Variants in ZBTB16 observed in about 807,000 individuals in gnomAD.
The protein encoded by ZBTB16 is zinc finger and BTB domain-containing protein 16.
A neutral mutation model predicts 56.8 loss-of-function variants in ZBTB16; 8 were observed. That is an observed-to-expected ratio of 0.14 (90% CI 0.08 to 0.25). The LOEUF is 0.25. Among genes scored for constraint, ZBTB16 ranks in the 10% least tolerant of loss-of-function variants. ZBTB16 has a pLI of 1.00. For synonymous variants in ZBTB16, 363 were observed against 368.5 expected, an observed-to-expected ratio of 0.98 and a Z score of 0.17; for missense variants, 625 against 903.0, an observed-to-expected ratio of 0.69 and a Z score of 3.95.
chr11:114,092,776 T>C (rs1017921351), intron 2 of ZBTB16, among the ~76,000 whole-genome samples: 1 of 152,162 alleles, frequency 6.6e-6, no homozygotes, highest in Non-Finnish European at 1.5e-5. Flanking sequence ...CTCTCTCCTT[T>C]CAGACTGGTC....
chr11:114,236,491 C>T (rs1591806053), intron 4 of ZBTB16, among the ~76,000 whole-genome samples: 1 of 152,112 alleles, frequency 6.6e-6, no homozygotes, highest in African/African-American at 2.4e-5. Flanking sequence ...CATGGAGTGA[C>T]AACGAAGGAG....
intron 4 of ZBTB16, among the ~76,000 whole-genome samples, chr11:114,225,764 T>C (rs1235310940): frequency 1.3e-5 from 2 of 152,216 alleles, no homozygotes; most frequent in African/African-American, 4.8e-5. Flanking sequence ...CACAGCCCAC[T>C]GATTTAAATA....
chr11:114,138,945 C>T (rs943612619), intron 2 of ZBTB16, among the ~76,000 whole-genome samples: 1 of 152,140 alleles, frequency 6.6e-6, no homozygotes, highest in Non-Finnish European at 1.5e-5. Flanking sequence ...CCCGCTTCTG[C>T]CTCCCAAAGC....
intron 2 of ZBTB16, among the ~76,000 whole-genome samples, chr11:114,153,931 G>T (rs1441800376): frequency 6.6e-6 from 1 of 152,182 alleles, no homozygotes; most frequent in East Asian, 1.9e-4. Flanking sequence ...AGGTCTTCTG[G>T]CTGCTGGCTG....
At chr11:114,226,443 G>GCATCA (rs756209211) in intron 4 of ZBTB16, among the ~76,000 whole-genome samples, 36 of 152,280 alleles carry the variant, frequency 2.4e-4, no homozygotes, top group African/African-American at 7.2e-4. Context: ...ATCTGCCCCA[G>GCATCA]CATCAACCCC....
chr11:114,218,984 T>G (rs1271760822), intron 4 of ZBTB16, among the ~76,000 whole-genome samples: 1 of 152,180 alleles, frequency 6.6e-6, no homozygotes, highest in Non-Finnish European at 1.5e-5. Context: ...CACCATCAAT[T>G]CTGTCTTGGC....
At chr11:114,165,436 C>T (rs138133280) in intron 3 of ZBTB16, among the ~76,000 whole-genome samples, 3 of 152,214 alleles carry the variant, frequency 2.0e-5, no homozygotes, top group Admixed American at 1.3e-4. Context: ...CAGTACTGTG[C>T]ACCTGAGTGC....
At position 114,148,424 on chromosome 11, in the gene ZBTB16, C is replaced by CTCTGTCTGTCTGTCT. The variant is rs1565651805; in HGVS notation, c.1269-7913_1269-7912insTCTGTCTGTCTGTCT. ...CCCTCCCTCCCTCCCTCCCTCCCTC[C>CTCTGTCTGTCTGTCT]CTCTCTCTCTCTTTCTCTCTCTCTG... On this transcript the variant is annotated intron_variant, in intron 2 of 6. Coordinates refer to ENST00000335953, the MANE Select transcript of ZBTB16 (RefSeq NM_006006.6). Among the ~76,000 whole-genome samples the CTCTGTCTGTCTGTCT allele has an allele frequency of 2.0e-3, 48 of 24,426 alleles. 1 individual carries two copies. The highest frequency in any genetic ancestry group is 2.7e-3 in the Non-Finnish European group (31 of 11,662). 16.0% of individuals were successfully genotyped at this position (24,426 alleles called of 152,430 possible).
chr11:114,168,503 G>A (rs686989), intron 3 of ZBTB16, among the ~76,000 whole-genome samples: 27,982 of 152,180 alleles, frequency 0.18, 3,367 homozygotes, highest in African/African-American at 0.35. Flanking sequence ...TCTGAACTCA[G>A]TCTTTCTTCA....
intron 3 of ZBTB16, among the ~76,000 whole-genome samples, chr11:114,185,672 A>C (rs3782015): frequency 0.078 from 11,838 of 152,174 alleles, 579 homozygotes; most frequent in African/African-American, 0.13. Flanking sequence ...CAAGGGCCTG[A>C]ATGGGGTGGT....
At chr11:114,235,264 A>G (rs891139780) in intron 4 of ZBTB16, among the ~76,000 whole-genome samples, 5 of 152,218 alleles carry the variant, frequency 3.3e-5, no homozygotes, top group Admixed American at 2.0e-4. Context: ...ACCCCAGCAC[A>G]TGCACACACA....
intron 4 of ZBTB16, among the ~76,000 whole-genome samples, chr11:114,241,438 G>A (rs1003220045): frequency 2.6e-5 from 4 of 152,148 alleles, no homozygotes; most frequent in Admixed American, 1.3e-4. Flanking sequence ...TATTAGTGGC[G>A]ACATTAGATT....
Position 114,063,749 on chromosome 11 carries a change from C to G in ZBTB16, c.449C>G (p.Ala150Gly). 1 of 1,614,002 alleles carries G rather than the reference C, an allele frequency of 6.2e-7. No individual in the cohort carries two copies. Among genetic ancestry groups the G allele is most frequent in the Non-Finnish European group, 8.5e-7 (1 of 1,180,048 alleles). ...GCCGAGGAAGAAGAGGACCGCAAGG[C>G]TCGGTACCTCAAGAACATCTTCATC... Reference protein sequence around the residue: ...GGAEEEEDRKARYLKNIFISK... With the variant: ...GGAEEEEDRKGRYLKNIFISK... Residue 150 changes from alanine (A) to glycine (G), a missense_variant, in exon 2 of 7, where the codon GCT (alanine) becomes GGT (glycine). Transcript: ENST00000335953. The surrounding 1 kb of genome is among the most constrained non-coding windows in gnomAD (Gnocchi z 6.5).
chr11:114,116,147 GT>G (rs1941167510), intron 2 of ZBTB16, among the ~76,000 whole-genome samples: 1 of 152,238 alleles, frequency 6.6e-6, no homozygotes, highest in African/African-American at 2.4e-5. Context: ...ATGGGTACAT[GT>G]GTTTAAGTAT....
At chr11:114,210,162 A>AGTGTGTGTGTGT (rs139074973) in intron 4 of ZBTB16, among the ~76,000 whole-genome samples, 197 of 134,742 alleles carry the variant, frequency 1.5e-3, no homozygotes, top group African/African-American at 5.0e-3. Context: ...AGCCAAAGCT[A>AGTGTGTGTGTGT]GTGTGTGTGT....
intron 2 of ZBTB16, among the ~76,000 whole-genome samples, chr11:114,126,762 T>C (rs1249471974): frequency 6.6e-6 from 1 of 151,864 alleles, no homozygotes; most frequent in African/African-American, 2.4e-5. Flanking sequence ...GAGGCCCAGG[T>C]CACATGACCT....
chr11:114,061,253 C>A (rs1222620309), intron 1 of ZBTB16: 1 of 152,088 alleles, frequency 6.6e-6, no homozygotes, highest in African/African-American at 2.4e-5. Flanking sequence ...AGCCGGATCG[C>A]GGGCGCCGAG....
At chr11:114,146,775 G>C (rs1942117064) in intron 2 of ZBTB16, among the ~76,000 whole-genome samples, 1 of 151,418 alleles carries the variant, frequency 6.6e-6, no homozygotes, top group Non-Finnish European at 1.5e-5. Flanking sequence ...CCTGAACCTG[G>C]GAGGCAGAGG....
chr11:114,203,833 G>A (rs1451986483), intron 4 of ZBTB16, among the ~76,000 whole-genome samples: 3 of 152,064 alleles, frequency 2.0e-5, no homozygotes, highest in Non-Finnish European at 2.9e-5. Flanking sequence ...GGTGGCTCTG[G>A]GATGCCTCCT....
Sources: gnomAD v4.1 joint callset for allele counts (sites outside exome capture counted in the v4.1 genomes callset) on GRCh38, gnomAD v4.1.1 for gene constraint, Gnocchi (gnomAD v3.1) non-coding constraint, MANE v1.5 for transcripts, NCBI Gene and HGNC (gene_info 2026-07-23, HGNC 2026-07-21) for gene names.